EXOSC2: variants seen among roughly 807,000 people sequenced by gnomAD.
EXOSC2 encodes the protein exosome component 2.
Under a neutral mutation model 37.6 loss-of-function variants are expected in EXOSC2, and 29 were observed. The observed-to-expected ratio is 0.77, with a 90% confidence interval of 0.57 to 1.05. The LOEUF (loss-of-function observed/expected upper bound fraction) is 1.05, where lower values mean the gene tolerates loss of function less well. EXOSC2 is among the 50% of genes least tolerant of loss of function. EXOSC2 has a pLI of 0.00. For synonymous variants in EXOSC2, 119 were observed against 131.1 expected (o/e 0.91, Z 0.63); for missense variants, 346 against 365.6 (o/e 0.95, Z 0.44).
chr9:130,699,737 C>G, intron 5 of EXOSC2: 1 of 235,736 alleles, frequency 4.2e-6, no homozygotes, highest in South Asian at 7.6e-5. Context: ...TGTGGTGACT[C>G]ATGCCTGTAA....
rs1831136596 is a variant in EXOSC2 at position 130,698,156 on chromosome 9, T to G, written c.271-6T>G. 2 of 1,613,694 alleles carry G rather than the reference T, an allele frequency of 1.2e-6. No individual in the cohort carries two copies. The highest frequency in any genetic ancestry group is 1.7e-6 in the Non-Finnish European group (2 of 1,179,672). On this transcript the variant is annotated splice_region_variant and splice_polypyrimidine_tract_variant and intron_variant, in intron 3 of 8. Transcript: ENST00000372358. The surrounding 1 kb of genome is among the most constrained non-coding windows in gnomAD (Gnocchi z 4.1). ...CATGTGTCCAGGTGTGGAACTTGGC[T>G]TATAGGTTCAACAGAAGAGGTGGAA...
intron 6 of EXOSC2, chr9:130,701,551 G>A (rs1229405513): frequency 5.1e-6 from 5 of 984,204 alleles, no homozygotes; most frequent in Non-Finnish European, 4.8e-6. Flanking sequence ...TTAATGGAGT[G>A]GCTGCAGACA....
chr9:130,701,757 TG>T (rs1236486622), intron 6 of EXOSC2: 1 of 893,350 alleles, frequency 1.1e-6, no homozygotes, highest in Non-Finnish European at 1.3e-6. Flanking sequence ...GATGAGTGTT[TG>T]GGGTTCAGGT....
At chr9:130,701,922 T>C in intron 6 of EXOSC2, 2 of 1,386,306 alleles carry the variant, frequency 1.4e-6, no homozygotes, top group Non-Finnish European at 9.3e-7. Flanking sequence ...AGAAGAGTAT[T>C]GAAGGTCACC....
chr9:130,699,205 C>G (rs570460968), intron 4 of EXOSC2, 124 bp from the exon 5 acceptor site: 17 of 959,230 alleles, frequency 1.8e-5, no homozygotes, highest in Middle Eastern at 2.1e-4. Context: ...CCTACTCTTG[C>G]TATAGTTCTC....
chr9:130,701,635 ACT>A, intron 6 of EXOSC2: 1 of 986,458 alleles, frequency 1.0e-6, no homozygotes, highest in Non-Finnish European at 1.2e-6. Context: ...GGTCCTGCGG[ACT>A]CTTCCTTGGC....
intron 6 of EXOSC2, 147 bp from the exon 7 acceptor site, chr9:130,701,987 G>T: frequency 2.1e-6 from 3 of 1,439,472 alleles, no homozygotes; most frequent in Non-Finnish European, 2.7e-6. Context: ...CTGCAAAAAT[G>T]TGTACTATGT....
At chr9:130,702,617 C>T (rs552480217) in intron 7 of EXOSC2, among the ~76,000 whole-genome samples, 2 of 151,862 alleles carry the variant, frequency 1.3e-5, no homozygotes, top group African/African-American at 4.8e-5. Flanking sequence ...TGTTTTGAGA[C>T]GGAGTCTTGC....
In EXOSC2 at chr9:130,703,802, G is replaced by T. The variant is rs766776428; in HGVS notation, c.*28G>T. Reference sequence around the variant, plus strand: ...AGGTGCTCCAGAAGCACGGGACTGTGGACCTTGCAGGAGTGAAGACTGTGA... The same window carrying T: ...AGGTGCTCCAGAAGCACGGGACTGTTGACCTTGCAGGAGTGAAGACTGTGA... On this transcript the variant is annotated 3_prime_UTR_variant, in exon 9 of 9. Transcript: ENST00000372358. 2.5e-6 allele frequency: 4 copies of T among 1,574,654 alleles called. No individual in the cohort carries two copies. Among genetic ancestry groups the T allele is most frequent in the Non-Finnish European group, 3.5e-6 (4 of 1,147,280 alleles).
Position 130,699,317 on chromosome 9 carries a change from T to C in EXOSC2, c.361-12T>C, listed in dbSNP as rs1831161655. On this transcript the variant is annotated splice_polypyrimidine_tract_variant and intron_variant, in intron 4 of 8. Coordinates refer to ENST00000372358, the MANE Select transcript of EXOSC2 (RefSeq NM_014285.7). ...TCTGGCTTAAGTAATGTCATTTCTT[T>C]GTGTATTTCAGAGGAGAAGATCTGC... is the stretch of plus-strand genomic sequence containing the variant. 1 of 1,613,982 alleles carries C rather than the reference T, an allele frequency of 6.2e-7. No individual in the cohort carries two copies.
intron 5 of EXOSC2, among the ~76,000 whole-genome samples, chr9:130,700,523 C>A (rs1831193225): frequency 6.6e-6 from 1 of 151,492 alleles, no homozygotes; most frequent in African/African-American, 2.4e-5. Flanking sequence ...CTATGCCCGA[C>A]TAATTTTGTA....
Position 130,695,591 on chromosome 9 carries a change from C to T in EXOSC2, c.222C>T (p.Thr74=). 1 of 1,613,880 alleles carries T rather than the reference C, an allele frequency of 6.2e-7. No individual in the cohort carries two copies. Among genetic ancestry groups the T allele is most frequent in the Non-Finnish European group, 8.5e-7 (1 of 1,179,814 alleles). The change falls in exon 2 of 9, where the codon ACC becomes ACT. Residue 74 remains threonine, a splice_region_variant and synonymous_variant. Transcript: ENST00000372358. ...NKLICVKALK[T]RYIGEVGDIV... Reference sequence around the variant, plus strand: ...TGATCTGTGTGAAAGCTTTGAAAACCAGGTGAGAACAAAAGGTGTGTATTC... The same window carrying T: ...TGATCTGTGTGAAAGCTTTGAAAACTAGGTGAGAACAAAAGGTGTGTATTC...
intron 2 of EXOSC2, among the ~76,000 whole-genome samples, chr9:130,697,284 A>G (rs1831117018): frequency 6.6e-6 from 1 of 152,236 alleles, no homozygotes; most frequent in African/African-American, 2.4e-5. Flanking sequence ...CATGTGCCAC[A>G]GGAAAATAGT....
rs1197680999 is a variant in EXOSC2, at chr9:130,700,365, A to ATTTATTTT, written c.427-498_427-491dup. Among the ~76,000 whole-genome samples, 17 of 140,990 alleles carry ATTTATTTT rather than the reference A, an allele frequency of 1.2e-4. 1 individual carries two copies. Among genetic ancestry groups the ATTTATTTT allele is most frequent in the South Asian group, 2.2e-4 (1 of 4,456 alleles). The allele number at this position is 140,990 out of a possible 152,430, so 92.5% of individuals were successfully genotyped here. A position where few individuals can be genotyped will look rare whatever the true frequency, so the allele number is the denominator to read the frequency against. On this transcript the variant is annotated intron_variant, in intron 5 of 8. Transcript: ENST00000372358. ...TATTTATTTATTTATTTATTTATTT[A>ATTTATTTT]TTTATTTTTTTGAGACGGAGTTTCA...
chr9:130,699,607 T>C (rs1257445588), intron 5 of EXOSC2: 5 of 589,972 alleles, frequency 8.5e-6, no homozygotes, highest in Non-Finnish European at 1.5e-5. Context: ...AGTCATTTCT[T>C]TGGGTCTTGT....
intron 8 of EXOSC2, 107 bp from the exon 9 acceptor site, chr9:130,703,587 A>G (rs1831265069): frequency 1.2e-6 from 1 of 830,720 alleles, no homozygotes; most frequent in South Asian, 1.8e-5. Context: ...GAGACATGAA[A>G]GGAATACAGA....
Position 130,697,566 on chromosome 9 carries a change from G to A in EXOSC2, c.225-16G>A, listed in dbSNP as rs781702486. ...CTGCTCACAGATGGATGAACCCCTT[G>A]TGTTTTGTCTTTCAGATACATTGGT... On this transcript the variant is annotated splice_polypyrimidine_tract_variant and intron_variant, in intron 2 of 8. Transcript: ENST00000372358. The A allele has an allele frequency of 6.2e-6, 10 of 1,613,800 alleles. No individual in the cohort carries two copies. In the South Asian group the frequency reaches 9.9e-5, roughly 16 times the overall value.
At chr9:130,701,852 A>G in intron 6 of EXOSC2, 2 of 1,169,048 alleles carry the variant, frequency 1.7e-6, no homozygotes, top group South Asian at 2.6e-5. Context: ...CAGCTTCTCT[A>G]ATGTCTGGCA....
chr9:130,701,826 A>G (rs1241753072), intron 6 of EXOSC2: 4 of 1,116,672 alleles, frequency 3.6e-6, no homozygotes, highest in Non-Finnish European at 3.3e-6. Context: ...GCTCCAGCTC[A>G]CTTCCTCATT....
Sources: allele counts gnomAD v4.1 joint callset (sites outside exome capture counted in the v4.1 genomes callset), GRCh38; gene constraint gnomAD v4.1.1; non-coding constraint Gnocchi (gnomAD v3.1); transcripts MANE v1.5; gene names NCBI Gene and HGNC (gene_info 2026-07-23, HGNC 2026-07-21).